WIPF3: variants seen among roughly 807,000 people sequenced by gnomAD.
WIPF3 encodes the protein WAS/WASL interacting protein family member 3.
Under a neutral mutation model 38.9 loss-of-function variants are expected in WIPF3, and 33 were observed. The ratio of observed to expected loss-of-function variants is 0.85; its 90% CI spans 0.64 to 1.14. The LOEUF is 1.14. Among genes scored for constraint, WIPF3 ranks in the 50% most tolerant of loss-of-function variants. The pLI, the probability that WIPF3 is intolerant of heterozygous loss-of-function variation, is 0.00. For missense variants in WIPF3, 711 were observed against 652.5 expected (o/e 1.09, Z -0.98); for synonymous variants, 324 against 269.3 (o/e 1.20, Z -1.99).
chr7:29,864,886 T>C (rs567719682), intron 2 of WIPF3, among the ~76,000 whole-genome samples: 4 of 152,230 alleles, frequency 2.6e-5, no homozygotes, highest in Non-Finnish European at 5.9e-5. Flanking sequence ...TACACAGCTG[T>C]CTTCCAGGGA....
intron 2 of WIPF3, among the ~76,000 whole-genome samples, chr7:29,848,335 T>C (rs1785035581): frequency 6.6e-6 from 1 of 152,172 alleles, no homozygotes; most frequent in South Asian, 2.1e-4. Context: ...TGCCGTTGGT[T>C]CGTCATTTCA....
In WIPF3 at chr7:29,885,776, A is replaced by G. The variant is rs1383529058; in HGVS notation, c.1099+1183A>G. Among the ~76,000 whole-genome samples, 5 of 152,196 alleles carry G rather than the reference A, an allele frequency of 3.3e-5. No individual in the cohort carries two copies. The East Asian group carries it at 7.7e-4, about 23-fold the overall frequency. ...GGCTGTGGGGAGCTATGATTGTGCC[A>G]TTGTACTCCAGATTGGATGACAGAG... On this transcript the variant is annotated intron_variant, in intron 5 of 8. Coordinates refer to ENST00000242140, the MANE Select transcript of WIPF3 (RefSeq NM_001080529.3).
chr7:29,868,508 A>G (rs1327401785), intron 2 of WIPF3, among the ~76,000 whole-genome samples: 1 of 134,390 alleles, frequency 7.4e-6, no homozygotes, highest in Non-Finnish European at 1.6e-5. Context: ...TAGAGTATAA[A>G]TAATGAGAAG....
intron 2 of WIPF3, among the ~76,000 whole-genome samples, chr7:29,872,601 G>T (rs913790334): frequency 1.3e-5 from 2 of 151,876 alleles, no homozygotes; most frequent in African/African-American, 2.4e-5. Flanking sequence ...AGACCATCCT[G>T]GCTAACACCG....
chr7:29,893,212 G>T lies in WIPF3; in HGVS notation c.1351+3805G>T, dbSNP rs574257002. Among the ~76,000 whole-genome samples, 54 of 152,254 alleles carry T rather than the reference G, an allele frequency of 3.5e-4. 2 individuals are homozygous for T. In the South Asian group the frequency reaches 0.011, roughly 30 times the overall value. Reference sequence around the variant, plus strand: ...TCCCAGGAGTGCCTGCCTTGGGCTGGTTGGAGAATGTGACACCAAGAAGGA... The same window carrying T: ...TCCCAGGAGTGCCTGCCTTGGGCTGTTTGGAGAATGTGACACCAAGAAGGA... On this transcript the variant is annotated intron_variant, in intron 7 of 8. Coordinates refer to ENST00000242140, the MANE Select transcript of WIPF3 (RefSeq NM_001080529.3).
intron 3 of WIPF3, among the ~76,000 whole-genome samples, chr7:29,877,502 A>G (rs570071424): frequency 6.6e-6 from 1 of 152,284 alleles, no homozygotes; most frequent in East Asian, 1.9e-4. Flanking sequence ...CCTTGAACAC[A>G]TTATTTTTTT....
intron 1 of WIPF3, among the ~76,000 whole-genome samples, chr7:29,815,158 A>G (rs945161647): frequency 6.6e-5 from 10 of 152,200 alleles, no homozygotes; most frequent in Non-Finnish European, 1.2e-4. Context: ...GAAATAGGTA[A>G]GACAACTACC....
intron 7 of WIPF3, among the ~76,000 whole-genome samples, chr7:29,891,409 C>T (rs191587761): frequency 1.4e-4 from 21 of 152,314 alleles, no homozygotes; most frequent in African/African-American, 2.2e-4. Flanking sequence ...TCTCTGGGTC[C>T]GCTGGGACAT....
intron 1 of WIPF3, among the ~76,000 whole-genome samples, chr7:29,820,922 A>T (rs1415349084): frequency 6.6e-6 from 1 of 152,152 alleles, no homozygotes; most frequent in African/African-American, 2.4e-5. Flanking sequence ...TGCAAGTTAC[A>T]TTTTTCCATT....
At chr7:29,820,236 C>T (rs1251071131) in intron 1 of WIPF3, among the ~76,000 whole-genome samples, 1 of 152,008 alleles carries the variant, frequency 6.6e-6, no homozygotes, top group African/African-American at 2.4e-5. Context: ...ATTCCCTTTA[C>T]CATTATAAAG....
At chr7:29,889,254 CT>C (rs1785956216) in intron 6 of WIPF3, 51 bp from the exon 7 acceptor site, 1 of 1,472,098 alleles carries the variant, frequency 6.8e-7, no homozygotes, top group Non-Finnish European at 9.5e-7. Flanking sequence ...ATGATCAAAA[CT>C]TGGATCATGA....
chr7:29,898,719 G>A (rs981228124), intron 7 of WIPF3, among the ~76,000 whole-genome samples: 2 of 152,150 alleles, frequency 1.3e-5, no homozygotes, highest in African/African-American at 4.8e-5. Flanking sequence ...ACCTGGTTCT[G>A]AGTGATGATA....
chr7:29,911,255 TAAATA>T (rs1029433980), intron 8 of WIPF3, among the ~76,000 whole-genome samples: 9 of 152,112 alleles, frequency 5.9e-5, no homozygotes, highest in African/African-American at 2.2e-4. Context: ...TGAAATAAAT[TAAATA>T]AGACATAAAT....
intron 2 of WIPF3, among the ~76,000 whole-genome samples, chr7:29,853,957 G>A (rs1371278615): frequency 6.6e-6 from 1 of 152,204 alleles, no homozygotes; most frequent in Non-Finnish European, 1.5e-5. Flanking sequence ...CAGCATTTAT[G>A]TCTGATAGGG....
intron 7 of WIPF3, among the ~76,000 whole-genome samples, chr7:29,902,945 G>A (rs918269514): frequency 6.6e-6 from 1 of 151,978 alleles, no homozygotes; most frequent in South Asian, 2.1e-4. Flanking sequence ...TTTTAAAATA[G>A]TTGAGATCAT....
intron 1 of WIPF3, among the ~76,000 whole-genome samples, chr7:29,825,180 A>G (rs142826189): frequency 1.1e-4 from 17 of 152,312 alleles, no homozygotes; most frequent in African/African-American, 4.1e-4. Context: ...ATTTTATGAT[A>G]TTAATTGTAA....
rs77985147 is a variant in WIPF3 at position 29,879,245 on chromosome 7, C to T, written c.355+105C>T. On this transcript the variant is annotated intron_variant, in intron 4 of 8. Coordinates refer to ENST00000242140, the MANE Select transcript of WIPF3 (RefSeq NM_001080529.3). ...CAGTAAGCAACATGGTTTTACTGAA[C>T]GGGCATGATAGAGTAGAAGATCATG... 1.3e-3 allele frequency: 1,862 copies of T among 1,385,260 alleles called. 26 individuals are homozygous for T. In the African/African-American group the frequency reaches 0.022, roughly 17 times the overall value. The allele number at this position is 1,385,260 out of a possible 1,614,324, so 85.8% of individuals were successfully genotyped here. A position where few individuals can be genotyped will look rare whatever the true frequency, so the allele number is the denominator to read the frequency against.
At chr7:29,817,851 A>G (rs1784480105) in intron 1 of WIPF3, among the ~76,000 whole-genome samples, 1 of 152,184 alleles carries the variant, frequency 6.6e-6, no homozygotes, top group Non-Finnish European at 1.5e-5. Flanking sequence ...TATTTTCATT[A>G]TGATCACCTT....
chr7:29,849,723 A>G (rs1229986819), intron 2 of WIPF3, among the ~76,000 whole-genome samples: 2 of 152,208 alleles, frequency 1.3e-5, no homozygotes, highest in Non-Finnish European at 2.9e-5. Flanking sequence ...ATTTGTGTGC[A>G]TACACGTGTT....
Sources: gnomAD v4.1 joint callset for allele counts (sites outside exome capture counted in the v4.1 genomes callset) on GRCh38, gnomAD v4.1.1 for gene constraint, MANE v1.5 for transcripts, NCBI Gene and HGNC (gene_info 2026-07-23, HGNC 2026-07-21) for gene names.